NUBPL: variants seen among roughly 807,000 people sequenced by gnomAD.
NUBPL encodes the protein NUBP iron-sulfur cluster assembly factor, mitochondrial.
Under a neutral mutation model 45.7 loss-of-function variants are expected in NUBPL, and 31 were observed. The ratio of observed to expected loss-of-function variants is 0.68; its 90% CI spans 0.51 to 0.92. The LOEUF is 0.92. Ranked by LOEUF, NUBPL falls within the 40% of genes least tolerant of loss-of-function variation. The pLI, the probability that NUBPL is intolerant of heterozygous loss-of-function variation, is 0.00. For missense variants in NUBPL, 401 were observed against 398.7 expected (o/e 1.01, Z -0.05); for synonymous variants, 144 against 140.9 (o/e 1.02, Z -0.15).
At chr14:31,648,359 T>G (rs1421304080) in intron 4 of NUBPL, among the ~76,000 whole-genome samples, 1 of 152,224 alleles carries the variant, frequency 6.6e-6, no homozygotes, top group African/African-American at 2.4e-5. Context: ...ATTCACATGC[T>G]AGTCAGGTAG....
Position 31,859,304 on chromosome 14 carries a change from A to G in NUBPL, c.*124A>G, listed in dbSNP as rs2040675474. On this transcript the variant is annotated 3_prime_UTR_variant, in exon 11 of 11. Transcript: ENST00000281081. The stretch of plus-strand genomic sequence containing the variant: ...TAACTGTTTTATTTCTAAGGAAAGA[A>G]TGTCTTCATATTTGACTTGCTAAGC... 1.2e-6 allele frequency: 1 copy of G among 814,184 alleles called. No homozygotes were observed. The highest frequency in any genetic ancestry group is 2.1e-6 in the Non-Finnish European group (1 of 476,648). 50.4% of individuals were successfully genotyped at this position (814,184 alleles called of 1,614,324 possible).
chr14:31,738,990 T>C (rs2038218878), intron 6 of NUBPL, among the ~76,000 whole-genome samples: 2 of 151,212 alleles, frequency 1.3e-5, no homozygotes, highest in Admixed American at 1.3e-4. Flanking sequence ...AATAGACATA[T>C]GTAGAGTGTA....
intron 4 of NUBPL, among the ~76,000 whole-genome samples, chr14:31,627,109 AGCACCAGT>A (rs1178927344): frequency 6.6e-6 from 1 of 152,246 alleles, no homozygotes; most frequent in African/African-American, 2.4e-5. Flanking sequence ...GCACATGGTA[AGCACCAGT>A]GCATATTGTT....
intron 4 of NUBPL, among the ~76,000 whole-genome samples, chr14:31,639,514 G>A (rs2035617113): frequency 6.6e-6 from 1 of 152,200 alleles, no homozygotes; most frequent in Non-Finnish European, 1.5e-5. Context: ...TCCCAGTTAG[G>A]CTGCTCGGGG....
At chr14:31,834,412 T>C (rs558705062) in intron 8 of NUBPL, among the ~76,000 whole-genome samples, 176 of 152,088 alleles carry the variant, frequency 1.2e-3, no homozygotes, top group Middle Eastern at 3.4e-3. Context: ...ATCTCCTGAC[T>C]TCATGATCTG....
intron 6 of NUBPL, among the ~76,000 whole-genome samples, chr14:31,712,744 G>A (rs1208472375): frequency 1.3e-5 from 2 of 152,244 alleles, no homozygotes; most frequent in Non-Finnish European, 2.9e-5. Flanking sequence ...TCTCTGCACA[G>A]AAAACCAGTC....
intron 6 of NUBPL, among the ~76,000 whole-genome samples, chr14:31,757,857 C>G (rs2038705400): frequency 6.6e-6 from 1 of 152,134 alleles, no homozygotes; most frequent in Non-Finnish European, 1.5e-5. Context: ...TACCTCATCT[C>G]TACCATGCTT....
At chr14:31,672,361 TTA>T (rs1001058821) in intron 4 of NUBPL, among the ~76,000 whole-genome samples, 1 of 151,900 alleles carries the variant, frequency 6.6e-6, no homozygotes, top group African/African-American at 2.4e-5. Flanking sequence ...TATATATAAT[TTA>T]TATGTTTATG....
intron 4 of NUBPL, among the ~76,000 whole-genome samples, chr14:31,621,652 G>C (rs1485282983): frequency 6.6e-6 from 1 of 152,162 alleles, no homozygotes; most frequent in Non-Finnish European, 1.5e-5. Flanking sequence ...AAATGAACTG[G>C]GTACCTCAGT....
intron 7 of NUBPL, among the ~76,000 whole-genome samples, chr14:31,807,234 A>G (rs1216070278): frequency 2.0e-5 from 3 of 152,200 alleles, no homozygotes; most frequent in Non-Finnish European, 4.4e-5. Flanking sequence ...TTACATTCCC[A>G]CCAACAGTGT....
intron 6 of NUBPL, among the ~76,000 whole-genome samples, chr14:31,778,523 T>C (rs2039135987): frequency 1.3e-5 from 2 of 152,244 alleles, no homozygotes; most frequent in African/African-American, 4.8e-5. Context: ...TGGATGTTAA[T>C]AGGCCAAATT....
intron 10 of NUBPL, among the ~76,000 whole-genome samples, chr14:31,853,984 T>C (rs1302345690): frequency 6.6e-6 from 1 of 152,208 alleles, no homozygotes. Context: ...GTTTTATCCT[T>C]TTTATCAAGT....
intron 7 of NUBPL, among the ~76,000 whole-genome samples, chr14:31,798,530 C>T (rs556849881): frequency 3.2e-4 from 48 of 151,538 alleles, no homozygotes; most frequent in Admixed American, 7.9e-4. Flanking sequence ...CGGTGGCTCA[C>T]GCCTGTAATC....
chr14:31,724,958 A>G (rs2037888444), intron 6 of NUBPL, among the ~76,000 whole-genome samples: 1 of 152,102 alleles, frequency 6.6e-6, no homozygotes, highest in Non-Finnish European at 1.5e-5. Flanking sequence ...GAGGAAGAAC[A>G]TACAAAATGA....
intron 6 of NUBPL, among the ~76,000 whole-genome samples, chr14:31,713,633 T>C (rs1381721075): frequency 6.6e-6 from 1 of 152,356 alleles, no homozygotes; most frequent in Admixed American, 6.5e-5. Flanking sequence ...ATTAATGATT[T>C]CTAGCCTTGC....
At chr14:31,838,810 G>T (rs997023946) in intron 8 of NUBPL, among the ~76,000 whole-genome samples, 24 of 152,148 alleles carry the variant, frequency 1.6e-4, no homozygotes, top group African/African-American at 5.5e-4. Context: ...AGTACTTAGG[G>T]TGTATTTTAT....
intron 7 of NUBPL, among the ~76,000 whole-genome samples, chr14:31,825,484 GTTCT>G (rs1433579764): frequency 7.0e-6 from 1 of 143,796 alleles, no homozygotes; most frequent in African/African-American, 2.6e-5. Flanking sequence ...TTTTCTTCTT[GTTCT>G]TTCTTCTCCT....
At chr14:31,819,297 A>G (rs1037447541) in intron 7 of NUBPL, among the ~76,000 whole-genome samples, 24 of 152,250 alleles carry the variant, frequency 1.6e-4, no homozygotes, top group African/African-American at 5.3e-4. Context: ...AAGGAGAATC[A>G]GTAGCACTAA....
chr14:31,751,805 G>A (rs1482413607), intron 6 of NUBPL, among the ~76,000 whole-genome samples: 1 of 152,210 alleles, frequency 6.6e-6, no homozygotes, highest in African/African-American at 2.4e-5. Context: ...CCCTAGTAGA[G>A]GTTTTCCATT....
Sources: gnomAD v4.1 joint callset for allele counts (sites outside exome capture counted in the v4.1 genomes callset) on GRCh38, gnomAD v4.1.1 for gene constraint, MANE v1.5 for transcripts, NCBI Gene and HGNC (gene_info 2026-07-23, HGNC 2026-07-21) for gene names.